PTPRN2: variants seen among roughly 807,000 people sequenced by gnomAD.
PTPRN2 encodes the protein receptor-type tyrosine-protein phosphatase N2.
Under a neutral mutation model 118.8 loss-of-function variants are expected in PTPRN2, and 74 were observed. That is an observed-to-expected ratio of 0.62 (90% CI 0.52 to 0.76). The LOEUF (loss-of-function observed/expected upper bound fraction) is 0.76, where lower values mean the gene tolerates loss of function less well. Ranked by LOEUF, PTPRN2 falls within the 30% of genes least tolerant of loss-of-function variation. The probability of loss-of-function intolerance (pLI) is 0.00; values close to 1 mark genes in which losing one functional copy is unlikely to be tolerated. For synonymous variants in PTPRN2, 641 were observed against 608.0 expected, an observed-to-expected ratio of 1.05 and a Z score of -0.80; for missense variants, 1,481 against 1,394.4, an observed-to-expected ratio of 1.06 and a Z score of -0.99.
chr7:157,545,325 GGTGT>G (rs1311605973), intron 22 of PTPRN2, among the ~76,000 whole-genome samples: 2 of 150,546 alleles, frequency 1.3e-5, no homozygotes, highest in Non-Finnish European at 3.0e-5. Context: ...TGGGTGTGTA[GGTGT>G]GTGTGGGGGG....
At chr7:157,657,754 A>G (rs55792302) in intron 13 of PTPRN2, among the ~76,000 whole-genome samples, 2 of 31,474 alleles carry the variant, frequency 6.4e-5, no homozygotes, top group Non-Finnish European at 1.3e-4. Flanking sequence ...ACACACATAC[A>G]CCACACACAC....
intron 12 of PTPRN2, among the ~76,000 whole-genome samples, chr7:157,732,069 C>T (rs1253198381): frequency 1.1e-5 from 1 of 87,102 alleles, no homozygotes; most frequent in Non-Finnish European, 2.5e-5. Flanking sequence ...CTTTTCCACC[C>T]CATGCGCCCA....
chr7:158,273,801 A>ACGCGGGAGGAGC (rs1798720324), intron 3 of PTPRN2, among the ~76,000 whole-genome samples: 1 of 112,716 alleles, frequency 8.9e-6, no homozygotes, highest in African/African-American at 3.4e-5. Flanking sequence ...GGAGCCGCAG[A>ACGCGGGAGGAGC]CACAGGGGGA....
chr7:157,879,853 A>T (rs988728134), intron 12 of PTPRN2, among the ~76,000 whole-genome samples: 1 of 152,110 alleles, frequency 6.6e-6, no homozygotes, highest in South Asian at 2.1e-4. Context: ...AAAAAAAAAA[A>T]AAGCCAGAGC....
At chr7:157,917,803 C>T (rs1798491677) in intron 11 of PTPRN2, among the ~76,000 whole-genome samples, 2 of 152,034 alleles carry the variant, frequency 1.3e-5, no homozygotes, top group South Asian at 2.1e-4. Flanking sequence ...TGCGTGGCGA[C>T]GAGGAAAAAT....
At chr7:158,458,877 C>G (rs202215803) in intron 2 of PTPRN2, among the ~76,000 whole-genome samples, 10 of 152,296 alleles carry the variant, frequency 6.6e-5, no homozygotes, top group African/African-American at 1.4e-4. Context: ...CCAGGGCCCC[C>G]TGAGGACTGC....
intron 9 of PTPRN2, among the ~76,000 whole-genome samples, chr7:158,115,004 G>A (rs983818198): frequency 1.3e-5 from 2 of 152,098 alleles, no homozygotes; most frequent in Non-Finnish European, 2.9e-5. Context: ...ACAATGGCGA[G>A]CTATCAACAG....
chr7:157,749,109 G>A (rs1308096136), intron 12 of PTPRN2, among the ~76,000 whole-genome samples: 2 of 46,438 alleles, frequency 4.3e-5, no homozygotes, highest in Admixed American at 1.9e-4. Flanking sequence ...TGAGCTGTGG[G>A]CTGTTGAGGT....
chr7:157,715,457 G>A (rs1424230503), intron 12 of PTPRN2, among the ~76,000 whole-genome samples: 3 of 152,340 alleles, frequency 2.0e-5, no homozygotes, highest in South Asian at 4.1e-4. Flanking sequence ...CAGAGGAGGG[G>A]AGGCCCCCGG....
At chr7:157,735,172 C>T (rs982956595) in intron 12 of PTPRN2, among the ~76,000 whole-genome samples, 3 of 152,214 alleles carry the variant, frequency 2.0e-5, no homozygotes, top group Admixed American at 6.5e-5. Flanking sequence ...GTTCGGCCGG[C>T]GAAGCTCCGT....
At chr7:157,595,478 A>T (rs1224251487) in intron 16 of PTPRN2, among the ~76,000 whole-genome samples, 163 bp from the exon 17 acceptor site, 1 of 147,362 alleles carries the variant, frequency 6.8e-6, no homozygotes, top group African/African-American at 2.6e-5. Context: ...TTAGGAAGCC[A>T]GGAGGTTAGG....
At chr7:157,659,213 G>A (rs1195393118) in intron 13 of PTPRN2, among the ~76,000 whole-genome samples, 13 of 151,082 alleles carry the variant, frequency 8.6e-5, no homozygotes. Flanking sequence ...AAGGGGCCCT[G>A]CGGCCCCCAC....
chr7:157,724,644 C>A (rs989227411), intron 12 of PTPRN2, among the ~76,000 whole-genome samples: 1 of 152,198 alleles, frequency 6.6e-6, no homozygotes, highest in Non-Finnish European at 1.5e-5. Context: ...CTCATGCAAG[C>A]CTGCAGCTGG....
At chr7:157,569,450 C>T (rs1218104082) in intron 20 of PTPRN2, among the ~76,000 whole-genome samples, 2 of 152,200 alleles carry the variant, frequency 1.3e-5, no homozygotes, top group Non-Finnish European at 2.9e-5. Context: ...CCCTAGGCTG[C>T]CTGCCACCCC....
intron 3 of PTPRN2, among the ~76,000 whole-genome samples, chr7:158,242,464 T>C (rs1161333929): frequency 6.6e-6 from 1 of 152,230 alleles, no homozygotes; most frequent in Non-Finnish European, 1.5e-5. Flanking sequence ...AGAAAACATC[T>C]GTGTTCGTCG....
At chr7:158,366,510 C>T (rs970279401) in intron 2 of PTPRN2, among the ~76,000 whole-genome samples, 6 of 152,226 alleles carry the variant, frequency 3.9e-5, no homozygotes, top group Non-Finnish European at 8.8e-5. Context: ...CTGCCAATAC[C>T]CTGCACACGG....
chr7:158,250,303 C>T (rs1285068712), intron 3 of PTPRN2, among the ~76,000 whole-genome samples: 1 of 152,034 alleles, frequency 6.6e-6, no homozygotes, highest in African/African-American at 2.4e-5. Context: ...TCTCTCATTC[C>T]TACTGTTGCA....
At chr7:158,495,088 G>C (rs142803028) in intron 1 of PTPRN2, among the ~76,000 whole-genome samples, 1 of 152,148 alleles carries the variant, frequency 6.6e-6, no homozygotes, top group Non-Finnish European at 1.5e-5. Flanking sequence ...ACTGCCTGGA[G>C]CAGGTCCTTT....
rs1417385657 is a variant in PTPRN2 at position 157,964,581 on chromosome 7, A to G, written c.1724-65844T>C. 6.6e-6 allele frequency among the ~76,000 whole-genome samples: 1 copy of G among 152,234 alleles called. No homozygotes were observed. The highest frequency in any genetic ancestry group is 1.5e-5 in the Non-Finnish European group (1 of 68,032). On this transcript the variant is annotated intron_variant, in intron 11 of 22. Coordinates refer to ENST00000389418, the MANE Select transcript of PTPRN2 (RefSeq NM_002847.5). This position sits in a 1 kb window ranked among gnomAD's most constrained non-coding sequence, Gnocchi z 9.0. ...CATCCACAACCCCGTGCAGGCCACA[A>G]CACAGGAGCAGGTGCAGCAGGGCCC...
Sources: gnomAD v4.1 joint callset for allele counts (sites outside exome capture counted in the v4.1 genomes callset) on GRCh38, gnomAD v4.1.1 for gene constraint, Gnocchi (gnomAD v3.1) non-coding constraint, MANE v1.5 for transcripts, NCBI Gene and HGNC (gene_info 2026-07-23, HGNC 2026-07-21) for gene names.